The following AQR variants were observed in gnomAD, a reference collection of about 807,000 sequenced individuals.
AQR encodes the protein RNA helicase aquarius.
A neutral mutation model predicts 180.5 loss-of-function variants in AQR; 61 were observed. That is an observed-to-expected ratio of 0.34 (90% confidence interval 0.28 to 0.42). The LOEUF (loss-of-function observed/expected upper bound fraction) is 0.42. AQR is among the 10% of genes least tolerant of loss of function. The pLI is 1.00. For synonymous variants in AQR, 551 were observed against 588.8 expected (o/e 0.94, Z 0.93); for missense variants, 1,281 against 1,798.3 (o/e 0.71, Z 5.20).
chr15:34,969,663 C>A lies in AQR; in HGVS notation c.-50G>T, dbSNP rs377443810. Reference sequence around the variant, plus strand: ...GTGGAAACTAAAGGACCGCTCTGGGCAGCGGCAACCCTGGTCCACTTCCCT... The same window carrying A: ...GTGGAAACTAAAGGACCGCTCTGGGAAGCGGCAACCCTGGTCCACTTCCCT... On this transcript the variant is annotated 5_prime_UTR_variant, in exon 1 of 35. Coordinates refer to ENST00000156471, the MANE Select transcript of AQR (RefSeq NM_014691.3). 4 of 1,584,330 alleles carry A rather than the reference C, an allele frequency of 2.5e-6. No homozygotes were observed. Among genetic ancestry groups the A allele is most frequent in the East Asian group, 2.2e-5 (1 of 44,450 alleles).
At chr15:34,862,329 A>C (rs922113802) in intron 33 of AQR, among the ~76,000 whole-genome samples, 4 of 152,154 alleles carry the variant, frequency 2.6e-5, no homozygotes, top group African/African-American at 9.7e-5. Context: ...ATGTTATTCG[A>C]AAAGACCTCC....
In AQR at chr15:34,862,796, G is replaced by C. The variant is rs187225286; in HGVS notation, c.4029+71C>G. ...TATAATAATGTTCCAAGCTAATGTG[G>C]TCACCTATAAGAAAATCCCAATTTC... is the stretch of plus-strand genomic sequence containing the variant. On this transcript the variant is annotated intron_variant, in intron 33 of 34. Transcript: ENST00000156471. 991 of 1,502,866 alleles carry C rather than the reference G, an allele frequency of 6.6e-4. 10 individuals carry two copies. The African/African-American group carries it at 0.012, about 18-fold the overall frequency. 93.1% of individuals were successfully genotyped at this position (1,502,866 alleles called of 1,614,324 possible). A position where few individuals can be genotyped will look rare whatever the true frequency, so the allele number is the denominator to read the frequency against.
intron 4 of AQR, among the ~76,000 whole-genome samples, chr15:34,949,087 G>A (rs932426441): frequency 9.9e-5 from 15 of 151,734 alleles, no homozygotes; most frequent in Non-Finnish European, 2.9e-5. Flanking sequence ...CCACCTCCCG[G>A]ATTCAAGCAA....
In AQR at chr15:34,867,523, C is replaced by T; in HGVS notation, c.3854+1G>A. 6.2e-7 allele frequency: 1 copy of T among 1,611,390 alleles called. No homozygotes were observed. Among genetic ancestry groups the T allele is most frequent in the Non-Finnish European group, 8.5e-7 (1 of 1,178,226 alleles). ...TATTATGAAAGTTTTTTCCTACGTA[C>T]CTCAGATGGCCCACTGCCCTGGTTC... On this transcript the variant is annotated splice_donor_variant, in intron 32 of 34. Transcript: ENST00000156471. LOFTEE classifies it high-confidence loss of function.
At chr15:34,950,105 T>G (rs1894199629) in intron 4 of AQR, among the ~76,000 whole-genome samples, 1 of 141,132 alleles carries the variant, frequency 7.1e-6, no homozygotes, top group African/African-American at 2.6e-5. Flanking sequence ...TTTTTTTTTT[T>G]TTTGAGATGG....
intron 15 of AQR, 29 bp from the exon 16 acceptor site, chr15:34,915,208 A>AT: frequency 1.1e-5 from 17 of 1,536,756 alleles, no homozygotes; most frequent in Admixed American, 4.3e-5. Flanking sequence ...TCCATATTTC[A>AT]ATTTTTTTTT....
At chr15:34,875,078 A>C (rs1892872372) in intron 28 of AQR, among the ~76,000 whole-genome samples, 1 of 152,028 alleles carries the variant, frequency 6.6e-6, no homozygotes, top group African/African-American at 2.4e-5. Context: ...GGTGAGGGAG[A>C]ATGGAGGTAT....
intron 14 of AQR, among the ~76,000 whole-genome samples, chr15:34,919,409 T>C (rs1002564989): frequency 3.3e-5 from 5 of 152,124 alleles, no homozygotes; most frequent in Admixed American, 6.5e-5. Context: ...ATAAATTGAA[T>C]AGTAGAAGAA....
intron 15 of AQR, among the ~76,000 whole-genome samples, chr15:34,916,248 G>A (rs2140483946): frequency 6.6e-6 from 1 of 152,162 alleles, no homozygotes; most frequent in South Asian, 2.1e-4. Context: ...CTCTGAACTT[G>A]CCTTCTGGCT....
chr15:34,888,058 G>A (rs1287785672), intron 24 of AQR, among the ~76,000 whole-genome samples: 1 of 152,152 alleles, frequency 6.6e-6, no homozygotes, highest in Admixed American at 6.5e-5. Flanking sequence ...AGCACTTTGG[G>A]AGGCCGAGGC....
intron 3 of AQR, among the ~76,000 whole-genome samples, chr15:34,955,017 G>A (rs1894287099): frequency 6.6e-6 from 1 of 152,150 alleles, no homozygotes; most frequent in African/African-American, 2.4e-5. Flanking sequence ...CAGGTACTCA[G>A]GAGGCTGAGA....
At chr15:34,955,577 C>T (rs746722056) in intron 3 of AQR, among the ~76,000 whole-genome samples, 1 of 152,094 alleles carries the variant, frequency 6.6e-6, no homozygotes. Flanking sequence ...ATCTGTTAAG[C>T]AGATGATTAA....
intron 13 of AQR, among the ~76,000 whole-genome samples, chr15:34,926,422 C>G (rs1476584829): frequency 6.6e-6 from 1 of 152,128 alleles, no homozygotes; most frequent in Non-Finnish European, 1.5e-5. Flanking sequence ...ATCACACTAT[C>G]CGGGTTTAAA....
chr15:34,867,920 ATGTCTAGCTTATT>A lies in AQR; in HGVS notation c.3769-324_3769-312del. Reference sequence around the variant, plus strand: ...GCAAAACTTCATGAAAGCAGAGACTATGTCTAGCTTATTAACTGGTATCCCAGTTTGATGCTCA... The same window carrying A: ...GCAAAACTTCATGAAAGCAGAGACTAAACTGGTATCCCAGTTTGATGCTCA... On this transcript the variant is annotated intron_variant, in intron 31 of 34. Coordinates refer to ENST00000156471, the MANE Select transcript of AQR (RefSeq NM_014691.3). 4 of 236,042 alleles carry A rather than the reference ATGTCTAGCTTATT, an allele frequency of 1.7e-5. No homozygotes were observed. In the South Asian group the frequency reaches 2.7e-4, roughly 16 times the overall value. 14.6% of individuals were successfully genotyped at this position (236,042 alleles called of 1,614,324 possible).
intron 28 of AQR, among the ~76,000 whole-genome samples, 181 bp from the exon 29 acceptor site, chr15:34,875,045 G>A (rs1007071422): frequency 6.6e-6 from 1 of 152,074 alleles, no homozygotes; most frequent in Non-Finnish European, 1.5e-5. Flanking sequence ...AATTATGGAC[G>A]TTATTGCTCC....
intron 3 of AQR, among the ~76,000 whole-genome samples, chr15:34,954,940 C>A (rs766515125): frequency 7.9e-5 from 12 of 151,924 alleles, no homozygotes; most frequent in Non-Finnish European, 1.2e-4. Flanking sequence ...ATGGACAACA[C>A]GGTGGAATCC....
At chr15:34,937,110 T>C (rs561858433) in intron 9 of AQR, among the ~76,000 whole-genome samples, 20 of 152,334 alleles carry the variant, frequency 1.3e-4, no homozygotes, top group African/African-American at 4.6e-4. Flanking sequence ...CAATCTCGGC[T>C]CACTGCAAGC....
In AQR at chr15:34,856,605, G is replaced by T; in HGVS notation, c.*187C>A. Reference sequence around the variant, plus strand: ...TATTTGCTCTTCTGATTGAACAAATGAAACTAGAATTGTTCATACACATAA... The same window carrying T: ...TATTTGCTCTTCTGATTGAACAAATTAAACTAGAATTGTTCATACACATAA... On this transcript the variant is annotated 3_prime_UTR_variant, in exon 35 of 35. Transcript: ENST00000156471. 2.1e-6 allele frequency: 1 copy of T among 470,562 alleles called. No homozygotes were observed. The highest frequency in any genetic ancestry group is 3.6e-6 in the Non-Finnish European group (1 of 274,868). The allele number at this position is 470,562 out of a possible 1,614,324, so 29.1% of individuals were successfully genotyped here. A position where few individuals can be genotyped will look rare whatever the true frequency, so the allele number is the denominator to read the frequency against.
chr15:34,875,271 A>G (rs1892874535), intron 28 of AQR, among the ~76,000 whole-genome samples: 1 of 152,182 alleles, frequency 6.6e-6, no homozygotes, highest in Non-Finnish European at 1.5e-5. Flanking sequence ...TGAACCCACC[A>G]AAGCAGTAAA....
Sources: gnomAD v4.1 joint callset for allele counts (sites outside exome capture counted in the v4.1 genomes callset) on GRCh38, gnomAD v4.1.1 for gene constraint, MANE v1.5 for transcripts, NCBI Gene and HGNC (gene_info 2026-07-23, HGNC 2026-07-21) for gene names.